Variants in CEP170B observed in about 807,000 individuals in gnomAD.
CEP170B encodes the protein centrosomal protein of 170 kDa protein B.
A neutral mutation model predicts 120.6 loss-of-function variants in CEP170B; 55 were observed. The ratio of observed to expected loss-of-function variants is 0.46; its 90% confidence interval spans 0.37 to 0.57. The LOEUF (loss-of-function observed/expected upper bound fraction) is 0.57. Ranked by LOEUF, CEP170B falls within the 20% of genes least tolerant of loss-of-function variation. The probability of loss-of-function intolerance (pLI) is 0.00; values close to 1 mark genes in which losing one functional copy is unlikely to be tolerated. For missense variants in CEP170B, 2,212 were observed against 2,253.3 expected, an observed-to-expected ratio of 0.98 and a Z score of 0.37; for synonymous variants, 1,033 against 954.5, an observed-to-expected ratio of 1.08 and a Z score of -1.52.
rs997233687 is a variant in CEP170B, at chr14:104,884,360, C to G, written c.1581C>G (p.Pro527=). The G allele has an allele frequency of 9.1e-6, 14 of 1,545,768 alleles. No homozygotes were observed. Among genetic ancestry groups the G allele is most frequent in the Non-Finnish European group, 1.2e-5 (14 of 1,145,818 alleles). Reference sequence around the variant, plus strand: ...CCGAGAAGGTTCCTCCGGTGCTGCCCGCTCCCCTGACACCCCATGGGACCA... The same window carrying G: ...CCGAGAAGGTTCCTCCGGTGCTGCCGGCTCCCCTGACACCCCATGGGACCA... ...PSPEKVPPVL[P]APLTPHGTSP... Residue 527 remains proline, a synonymous_variant, in exon 9 of 19, where the codon CCC becomes CCG. Coordinates refer to ENST00000414716, the MANE Select transcript of CEP170B (RefSeq NM_001112726.3).
At position 104,868,675 on chromosome 14, in the gene CEP170B, C is replaced by A; in HGVS notation, c.105+120C>A. On this transcript the variant is annotated intron_variant, in intron 2 of 18. Transcript: ENST00000414716. The surrounding 1 kb of genome is among the most constrained non-coding windows in gnomAD (Gnocchi z 5.9). Reference sequence around the variant, plus strand: ...CCCTGGCGAGGAGGCCGCCATGCAGCCCAGGCTGGGCCTCTTAACTTGGGT... The same window carrying A: ...CCCTGGCGAGGAGGCCGCCATGCAGACCAGGCTGGGCCTCTTAACTTGGGT... 1 of 966,764 alleles carries A rather than the reference C, an allele frequency of 1.0e-6. No individual in the cohort carries two copies. The highest frequency in any genetic ancestry group is 1.5e-6 in the Non-Finnish European group (1 of 657,558). 59.9% of individuals were successfully genotyped at this position (966,764 alleles called of 1,614,324 possible). A position where few individuals can be genotyped will look rare whatever the true frequency, so the allele number is the denominator to read the frequency against.
At chr14:104,871,075 C>T (rs1895458079) in intron 2 of CEP170B, among the ~76,000 whole-genome samples, 1 of 152,016 alleles carries the variant, frequency 6.6e-6, no homozygotes. Context: ...ACCTGCCGCC[C>T]CTCCCTGCAG....
Position 104,883,421 on chromosome 14 carries a change from G to T in CEP170B, c.964G>T (p.Asp322Tyr). 1 of 1,575,420 alleles carries T rather than the reference G, an allele frequency of 6.3e-7. No homozygotes were observed. The highest frequency in any genetic ancestry group is 8.6e-7 in the Non-Finnish European group (1 of 1,162,232). Residue 322 changes from aspartate (D) to tyrosine (Y), a missense_variant, in exon 8 of 19, where the codon GAC becomes TAC. Coordinates refer to ENST00000414716, the MANE Select transcript of CEP170B (RefSeq NM_001112726.3). ...GGTGGCCGACTGGCTGGTGCAGAAT[G>T]ACCCGAGCCTGCTGCACCGGGTTGG... Reference protein sequence around the residue: ...TKVADWLVQNDPSLLHRVGPG... With the variant: ...TKVADWLVQNYPSLLHRVGPG...
In CEP170B at chr14:104,886,036, A is replaced by G. The variant is rs1430275921; in HGVS notation, c.1945-4A>G. ...TGGAAACACTCCCACCCTCCTCTCCACAGGGCCTCCCGGTGCCGGGCTCCC... is the reference window on the plus strand; with the variant it reads ...TGGAAACACTCCCACCCTCCTCTCCGCAGGGCCTCCCGGTGCCGGGCTCCC... On this transcript the variant is annotated splice_region_variant and splice_polypyrimidine_tract_variant and intron_variant, in intron 10 of 18. Transcript: ENST00000414716. The G allele has an allele frequency of 5.2e-6, 8 of 1,531,840 alleles. No homozygotes were observed. In the African/African-American group the frequency reaches 8.3e-5, roughly 16 times the overall value. 94.9% of individuals were successfully genotyped at this position (1,531,840 alleles called of 1,614,324 possible).
In CEP170B at chr14:104,884,067, C is replaced by T. The variant is rs202028986; in HGVS notation, c.1288C>T (p.Pro430Ser). ...QSFTHSPSGD[P>S]KADKRRGPTP... ...CTTCACGCACAGCCCGTCCGGGGACCCCAAGGCCGACAAGCGCCGTGGCCC... is the reference window on the plus strand; with the variant it reads ...CTTCACGCACAGCCCGTCCGGGGACTCCAAGGCCGACAAGCGCCGTGGCCC... Residue 430 changes from proline (P) to serine (S), a missense_variant, in exon 9 of 19, where the codon CCC becomes TCC. Coordinates refer to ENST00000414716, the MANE Select transcript of CEP170B (RefSeq NM_001112726.3). 3.0e-5 allele frequency: 48 copies of T among 1,606,786 alleles called. No homozygotes were observed. The East Asian group carries it at 9.2e-4, about 31-fold the overall frequency.
intron 12 of CEP170B, among the ~76,000 whole-genome samples, chr14:104,888,719 C>A (rs181714988): frequency 4.9e-4 from 74 of 152,362 alleles, no homozygotes; most frequent in African/African-American, 1.7e-3. Flanking sequence ...CCCTGTGCAC[C>A]CACCTACCCA....
At chr14:104,878,037 A>G in intron 4 of CEP170B, 74 bp downstream of exon 4, 1 of 1,248,432 alleles carries the variant, frequency 8.0e-7, no homozygotes, top group East Asian at 2.5e-5. Context: ...CTGTTACTCC[A>G]GAAGCAGGGC....
At chr14:104,878,356 T>G in intron 4 of CEP170B, 87 bp from the exon 5 acceptor site, 4 of 1,401,874 alleles carry the variant, frequency 2.9e-6, no homozygotes, top group Non-Finnish European at 4.0e-6. Context: ...CGATGGGCCC[T>G]TGAGCTGGCA....
At chr14:104,890,172 G>A (rs1187372214) in intron 13 of CEP170B, among the ~76,000 whole-genome samples, 1 of 106,044 alleles carries the variant, frequency 9.4e-6, no homozygotes, top group Non-Finnish European at 1.9e-5. Context: ...ATGGATGGAT[G>A]GATGGATGGA....
rs1176344541 is a variant in CEP170B at position 104,887,647 on chromosome 14, C to T, written c.3408C>T (p.Asp1136=). 3 of 1,562,854 alleles carry T rather than the reference C, an allele frequency of 1.9e-6. No homozygotes were observed. Among genetic ancestry groups the T allele is most frequent in the Non-Finnish European group, 2.6e-6 (3 of 1,156,496 alleles). ...LRRARLGDAS[D]TEAADGERGS... is the part of the protein sequence containing the mutation. ...GGGCCCGGCTGGGGGACGCTTCAGA[C>T]ACTGAGGCTGCGGATGGTGAGCGGG... The change falls in exon 12 of 19, where the codon GAC becomes GAT. Residue 1136 remains aspartate (D), a synonymous_variant. Coordinates refer to ENST00000414716, the MANE Select transcript of CEP170B (RefSeq NM_001112726.3).
In CEP170B at chr14:104,885,418, C is replaced by T. The variant is rs1384371555; in HGVS notation, c.1820C>T (p.Thr607Ile). The change falls in exon 10 of 19, where the codon ACC becomes ATC. Residue 607 changes from threonine to isoleucine, a missense_variant. Physicochemically the swap from Thr to Ile is moderately conservative, Grantham distance 89. Around this residue, in one of 2 missense-constraint regions of CEP170B, gnomAD observed 2,166 missense variants for 2,166.7 expected, o/e 1.00. Transcript: ENST00000414716. Reference protein sequence around the residue: ...SPELSRASSATFRPVIRGDRD... With the variant: ...SPELSRASSAIFRPVIRGDRD... Reference sequence around the variant, plus strand: ...GAACTCTCCAGGGCATCTTCGGCCACCTTTCGCCCAGTCATCAGAGGGGAC... The same window carrying T: ...GAACTCTCCAGGGCATCTTCGGCCATCTTTCGCCCAGTCATCAGAGGGGAC... 1.3e-6 allele frequency: 2 copies of T among 1,567,264 alleles called. No individual in the cohort carries two copies. The highest frequency in any genetic ancestry group is 8.6e-7 in the Non-Finnish European group (1 of 1,156,592).
At position 104,886,500 on chromosome 14, in the gene CEP170B, A is replaced by T; in HGVS notation, c.2261A>T (p.Asp754Val). Residue 754 changes from aspartate to valine, a missense_variant, in exon 12 of 19, where the codon GAC becomes GTC. Asp to Val is a radical substitution (Grantham distance 152). Around this residue, in one of 2 missense-constraint regions of CEP170B, gnomAD observed 2,166 missense variants for 2,166.7 expected, o/e 1.00. Transcript: ENST00000414716. ...AGCCTCAGCGATGCCAGTGGGTCGG[A>T]CGGGGGCCGAGGCCCCGAGCCAGGG... is the stretch of plus-strand genomic sequence containing the variant. ...PDSLSDASGS[D>V]GGRGPEPGVE... The T allele has an allele frequency of 6.6e-7, 1 of 1,510,326 alleles. No individual in the cohort carries two copies. Among genetic ancestry groups the T allele is most frequent in the Non-Finnish European group, 8.8e-7 (1 of 1,133,144 alleles). 93.6% of individuals were successfully genotyped at this position (1,510,326 alleles called of 1,614,324 possible).
intron 14 of CEP170B, 148 bp downstream of exon 14, chr14:104,893,283 C>T: frequency 8.9e-7 from 1 of 1,123,162 alleles, no homozygotes; most frequent in Non-Finnish European, 1.2e-6. Flanking sequence ...TGGGTCAGCG[C>T]CCCAAACGGC....
chr14:104,874,758 C>A, intron 2 of CEP170B, among the ~76,000 whole-genome samples: 1 of 150,870 alleles, frequency 6.6e-6, no homozygotes, highest in East Asian at 2.0e-4. Context: ...CACCCCCGGT[C>A]CTCCTCTGCA....
Position 104,894,961 on chromosome 14 carries a change from C to A in CEP170B, c.*3C>A. 6.4e-7 allele frequency: 1 copy of A among 1,565,530 alleles called. No individual in the cohort carries two copies. Among genetic ancestry groups the A allele is most frequent in the Non-Finnish European group, 8.7e-7 (1 of 1,152,522 alleles). ...ATGCCGAGAGGTTCCTGATCTAGGC[C>A]CCAGACCTGGCCAGGCCAGCCTCCC... On this transcript the variant is annotated 3_prime_UTR_variant, in exon 19 of 19. Transcript: ENST00000414716.
At chr14:104,885,935 T>G in intron 10 of CEP170B, 105 bp from the exon 11 acceptor site, 1 of 1,017,626 alleles carries the variant, frequency 9.8e-7, no homozygotes, top group East Asian at 2.7e-5. Flanking sequence ...CGCGCATGCG[T>G]GGGGCTGGTG....
At position 104,868,278 on chromosome 14, in the gene CEP170B, G is replaced by A. The variant is rs1178644885; in HGVS notation, c.-27-146G>A. 9.8e-6 allele frequency: 6 copies of A among 609,342 alleles called. No homozygotes were observed. The highest frequency in any genetic ancestry group is 4.4e-4 in the Middle Eastern group (1 of 2,260). 37.7% of individuals were successfully genotyped at this position (609,342 alleles called of 1,614,324 possible). Reference sequence around the variant, plus strand: ...ACTCGGGACCATACCCAGGGAGGGCGGGTGGCCTGATGAGGCTGGAGCCCA... The same window carrying A: ...ACTCGGGACCATACCCAGGGAGGGCAGGTGGCCTGATGAGGCTGGAGCCCA... On this transcript the variant is annotated intron_variant, in intron 1 of 18. Transcript: ENST00000414716. The surrounding 1 kb of genome is among the most constrained non-coding windows in gnomAD (Gnocchi z 5.9).
rs1210885635 is a variant in CEP170B, at chr14:104,877,127, A to G, written c.196-758A>G. 2.6e-5 allele frequency among the ~76,000 whole-genome samples: 4 copies of G among 152,006 alleles called. No homozygotes were observed. The East Asian group carries it at 7.8e-4, about 30-fold the overall frequency. ...GCAGCCCCTCAGCAGCCCCTCAAGG[A>G]GCTCCGGCCAGGGGGTCTCAGGCTG... On this transcript the variant is annotated intron_variant, in intron 3 of 18. Coordinates refer to ENST00000414716, the MANE Select transcript of CEP170B (RefSeq NM_001112726.3).
At position 104,876,261 on chromosome 14, in the gene CEP170B, C is replaced by T; in HGVS notation, c.111C>T (p.Arg37=). Residue 37 remains arginine, a synonymous_variant, in exon 3 of 19, where the codon CGC becomes CGT. Transcript: ENST00000414716. ...REECELMLQS[R]SVDKQHAVIN... is the part of the protein sequence containing the mutation. ...CTGGCTGTGTGTCTCTCCAGTCCCGCAGCGTGGACAAGCAGCATGCCGTCA... is the reference window on the plus strand; with the variant it reads ...CTGGCTGTGTGTCTCTCCAGTCCCGTAGCGTGGACAAGCAGCATGCCGTCA... The T allele has an allele frequency of 1.3e-6, 2 of 1,550,758 alleles. No individual in the cohort carries two copies. The highest frequency in any genetic ancestry group is 1.7e-6 in the Non-Finnish European group (2 of 1,146,804).
Sources: allele counts gnomAD v4.1 joint callset (sites outside exome capture counted in the v4.1 genomes callset), GRCh38; gene constraint gnomAD v4.1.1; regional missense constraint gnomAD v4.1.1; non-coding constraint Gnocchi (gnomAD v3.1); transcripts MANE v1.5; gene names NCBI Gene and HGNC (gene_info 2026-07-23, HGNC 2026-07-21).